FBXL7: variants seen among roughly 807,000 people sequenced by gnomAD.
The protein encoded by FBXL7 is F-box and leucine rich repeat protein 7.
A neutral mutation model predicts 38.3 loss-of-function variants in FBXL7; 12 were observed. The observed-to-expected ratio is 0.31, with a 90% CI of 0.20 to 0.51. The LOEUF (loss-of-function observed/expected upper bound fraction) is 0.51, where lower values mean the gene tolerates loss of function less well. Ranked by LOEUF, FBXL7 falls within the 20% of genes least tolerant of loss-of-function variation. The probability of loss-of-function intolerance (pLI) is 0.98; values close to 1 mark genes in which losing one functional copy is unlikely to be tolerated. For synonymous variants in FBXL7, 297 were observed against 300.9 expected, an observed-to-expected ratio of 0.99 and a Z score of 0.13; for missense variants, 567 against 676.4, an observed-to-expected ratio of 0.84 and a Z score of 1.79.
chr5:15,832,209 G>A (rs1419406443), intron 2 of FBXL7, among the ~76,000 whole-genome samples: 1 of 152,134 alleles, frequency 6.6e-6, no homozygotes, highest in East Asian at 1.9e-4. Context: ...TTTCCCTGAG[G>A]GCAGTACATG....
chr5:15,920,244 G>A (rs1741703144), intron 2 of FBXL7, among the ~76,000 whole-genome samples: 1 of 150,144 alleles, frequency 6.7e-6, no homozygotes, highest in Admixed American at 6.6e-5. Context: ...ATGACAGAGC[G>A]AGACTCCATC....
At chr5:15,756,273 T>C (rs1736294192) in intron 2 of FBXL7, among the ~76,000 whole-genome samples, 1 of 152,218 alleles carries the variant, frequency 6.6e-6, no homozygotes, top group Admixed American at 6.5e-5. Flanking sequence ...ATTTAACAAT[T>C]CCTTATATTA....
At position 15,877,998 on chromosome 5, in the gene FBXL7, G is replaced by A. The variant is rs532317832; in HGVS notation, c.128-49892G>A. ...TCAGGCCTAGTCCTAAAGGGGCGAG[G>A]TGCTGGGTTTCAGCCCTCTGGGAGT... On this transcript the variant is annotated intron_variant, in intron 2 of 3. Coordinates refer to ENST00000504595, the MANE Select transcript of FBXL7 (RefSeq NM_012304.5). 3.9e-5 allele frequency among the ~76,000 whole-genome samples: 6 copies of A among 152,256 alleles called. No individual in the cohort carries two copies. The South Asian group carries it at 6.2e-4, about 16-fold the overall frequency.
At chr5:15,567,371 G>A (rs1738612645) in intron 1 of FBXL7, among the ~76,000 whole-genome samples, 1 of 151,952 alleles carries the variant, frequency 6.6e-6, no homozygotes, top group Non-Finnish European at 1.5e-5. Context: ...AAAGATATTT[G>A]TTTTTTCTTC....
At chr5:15,827,153 C>G (rs257760) in intron 2 of FBXL7, among the ~76,000 whole-genome samples, 81,239 of 151,936 alleles carry the variant, frequency 0.53, 22,930 homozygotes, top group Non-Finnish European at 0.64. Context: ...CTGCTCTGCT[C>G]TGCCTTTGTG....
chr5:15,688,047 C>G (rs1743070790), intron 2 of FBXL7, among the ~76,000 whole-genome samples: 1 of 152,180 alleles, frequency 6.6e-6, no homozygotes, highest in Non-Finnish European at 1.5e-5. Context: ...GCGATTGCAT[C>G]TTCCTGGATA....
At chr5:15,629,114 C>CA (rs61037630) in intron 2 of FBXL7, among the ~76,000 whole-genome samples, 2,870 of 139,856 alleles carry the variant, frequency 0.021, 77 homozygotes, top group African/African-American at 0.064. Context: ...CTCGTTTCTA[C>CA]AAAAAAAAAA....
At chr5:15,804,728 G>C (rs553044762) in intron 2 of FBXL7, among the ~76,000 whole-genome samples, 1 of 152,238 alleles carries the variant, frequency 6.6e-6, no homozygotes, top group South Asian at 2.1e-4. Flanking sequence ...TCTCACAGGA[G>C]TGAGAACCTG....
Position 15,532,563 on chromosome 5 carries a change from C to A in FBXL7, c.37+31850C>A, listed in dbSNP as rs1737461500. 2.0e-5 allele frequency among the ~76,000 whole-genome samples: 3 copies of A among 152,210 alleles called. No individual in the cohort carries two copies. In the South Asian group the frequency reaches 6.2e-4, roughly 32 times the overall value. On this transcript the variant is annotated intron_variant, in intron 1 of 3. Coordinates refer to ENST00000504595, the MANE Select transcript of FBXL7 (RefSeq NM_012304.5). The stretch of plus-strand genomic sequence containing the variant: ...TTAATTAAGGCTAGATAGAAATCAT[C>A]CCTTCAAAAACTTTACTGACCAACT...
chr5:15,927,796 A>C lies in FBXL7; in HGVS notation c.128-94A>C, dbSNP rs112471649. 9.4e-3 allele frequency: 7,601 copies of C among 812,544 alleles called. 65 individuals are homozygous for C. Among genetic ancestry groups the C allele is most frequent in the East Asian group, 0.054 (1,719 of 31,792 alleles). 50.3% of individuals were successfully genotyped at this position (812,544 alleles called of 1,614,324 possible). ...AAAAAAAAAAAAAAAAAGAAGAAGAAAGAAAAGAAAAGAAAGAAACCAGTG... is the reference window on the plus strand; with the variant it reads ...AAAAAAAAAAAAAAAAAGAAGAAGACAGAAAAGAAAAGAAAGAAACCAGTG... On this transcript the variant is annotated intron_variant, in intron 2 of 3. Transcript: ENST00000504595.
At chr5:15,641,879 T>C (rs1470703344) in intron 2 of FBXL7, among the ~76,000 whole-genome samples, 2 of 152,056 alleles carry the variant, frequency 1.3e-5, no homozygotes, top group East Asian at 3.9e-4. Context: ...TCAGCCTTCA[T>C]GTTATAATAC....
intron 2 of FBXL7, among the ~76,000 whole-genome samples, chr5:15,865,125 G>A (rs984525035): frequency 6.6e-6 from 1 of 152,166 alleles, no homozygotes; most frequent in African/African-American, 2.4e-5. Flanking sequence ...TTCATAAGGA[G>A]AGAAACCATC....
chr5:15,802,216 C>T (rs1737588564), intron 2 of FBXL7, among the ~76,000 whole-genome samples: 1 of 152,114 alleles, frequency 6.6e-6, no homozygotes, highest in Non-Finnish European at 1.5e-5. Context: ...GGATCTTCCT[C>T]CCTCTATTTC....
At chr5:15,543,459 T>C (rs1364112235) in intron 1 of FBXL7, among the ~76,000 whole-genome samples, 2 of 152,194 alleles carry the variant, frequency 1.3e-5, no homozygotes, top group Admixed American at 6.5e-5. Context: ...TTTGGCCAGG[T>C]CATATCAATC....
At chr5:15,779,558 G>A (rs894264618) in intron 2 of FBXL7, among the ~76,000 whole-genome samples, 9 of 152,180 alleles carry the variant, frequency 5.9e-5, no homozygotes, top group Admixed American at 2.0e-4. Context: ...TCCAAGAGGT[G>A]ACTTTTCAGA....
intron 2 of FBXL7, among the ~76,000 whole-genome samples, chr5:15,852,736 A>G (rs1739136319): frequency 6.6e-6 from 1 of 151,340 alleles, no homozygotes; most frequent in East Asian, 1.9e-4. Flanking sequence ...TCTTTGCTTC[A>G]TGAATTTGGA....
chr5:15,845,921 G>A (rs1176301054), intron 2 of FBXL7, among the ~76,000 whole-genome samples: 1 of 152,182 alleles, frequency 6.6e-6, no homozygotes, highest in Admixed American at 6.5e-5. Flanking sequence ...GCAATGAGCC[G>A]AGATTGCACC....
intron 1 of FBXL7, among the ~76,000 whole-genome samples, chr5:15,522,429 T>C (rs1283589713): frequency 1.3e-5 from 2 of 152,186 alleles, no homozygotes; most frequent in African/African-American, 2.4e-5. Flanking sequence ...CGAATGACAT[T>C]TGTCTCCCTT....
chr5:15,570,820 C>G (rs1401008511), intron 1 of FBXL7, among the ~76,000 whole-genome samples: 2 of 152,156 alleles, frequency 1.3e-5, no homozygotes, highest in Non-Finnish European at 2.9e-5. Context: ...TGAATTGAAA[C>G]TGTGTCTCAT....
Sources: allele counts gnomAD v4.1 joint callset (sites outside exome capture counted in the v4.1 genomes callset), GRCh38; gene constraint gnomAD v4.1.1; transcripts MANE v1.5; gene names NCBI Gene and HGNC (gene_info 2026-07-23, HGNC 2026-07-21).